Variants in TRIM14 observed in about 807,000 individuals in gnomAD.
TRIM14 encodes tripartite motif-containing protein 14.
Under a neutral mutation model 44.5 loss-of-function variants are expected in TRIM14, and 28 were observed. The observed-to-expected ratio is 0.63, with a 90% CI of 0.47 to 0.86. The LOEUF is 0.86. Among genes scored for constraint, TRIM14 ranks in the 40% least tolerant of loss-of-function variants. The pLI is 0.00. For synonymous variants in TRIM14, 299 were observed against 269.2 expected (o/e 1.11, Z -1.08); for missense variants, 607 against 611.1 (o/e 0.99, Z 0.07).
At chr9:98,104,473 C>T (rs1042934303) in intron 2 of TRIM14, among the ~76,000 whole-genome samples, 3 of 151,986 alleles carry the variant, frequency 2.0e-5, no homozygotes, top group African/African-American at 7.3e-5. Context: ...CACCAGAAAA[C>T]TTCTTGTATA....
chr9:98,057,906 T>G, the TRIM14 span, among the ~76,000 whole-genome samples: 1 of 146,152 alleles, frequency 6.8e-6, no homozygotes, highest in Admixed American at 7.2e-5. Context: ...CTTACTGTTT[T>G]TTTTTTTTTT....
chr9:98,081,174 G>A (rs777020238), downstream of TRIM14: 1 of 1,522,960 alleles, frequency 6.6e-7, no homozygotes, highest in South Asian at 1.2e-5. Context: ...AGCCCTCCCT[G>A]AGCCAGGCTG....
downstream of TRIM14, among the ~76,000 whole-genome samples, chr9:98,065,308 C>CTTT (rs758040892): frequency 0.011 from 1,056 of 92,720 alleles, 47 homozygotes; most frequent in Admixed American, 0.031. Context: ...ACTCCTGGTG[C>CTTT]TTTTTTTTTT....
chr9:98,057,658 G>A, the TRIM14 span, among the ~76,000 whole-genome samples: 43,502 of 151,848 alleles, frequency 0.29, 6,577 homozygotes, highest in Admixed American at 0.39. Context: ...GTAAATGCGT[G>A]CTCCCTCTTC....
the TRIM14 span, chr9:98,060,715 C>T: frequency 2.1e-6 from 3 of 1,445,408 alleles, no homozygotes; most frequent in Non-Finnish European, 2.9e-6. Flanking sequence ...AGTGGTTGCT[C>T]CAGAATTTTT....
chr9:98,058,846 T>G, the TRIM14 span, among the ~76,000 whole-genome samples: 1 of 152,162 alleles, frequency 6.6e-6, no homozygotes, highest in African/African-American at 2.4e-5. Context: ...GCAACTTTAG[T>G]CAGGTCAGTC....
At chr9:98,089,784 T>C (rs1393172821) in intron 5 of TRIM14, among the ~76,000 whole-genome samples, 1 of 152,186 alleles carries the variant, frequency 6.6e-6, no homozygotes, top group Non-Finnish European at 1.5e-5. Flanking sequence ...TGCTTGCTCC[T>C]TCCCTGCATG....
At chr9:98,094,023 C>T (rs1243083205) in intron 4 of TRIM14, among the ~76,000 whole-genome samples, 4 of 152,178 alleles carry the variant, frequency 2.6e-5, no homozygotes, top group African/African-American at 7.2e-5. Flanking sequence ...GGATTACAGG[C>T]GTGAGCCACC....
chr9:98,055,371 G>T, the TRIM14 span, among the ~76,000 whole-genome samples: 1 of 152,288 alleles, frequency 6.6e-6, no homozygotes, highest in Middle Eastern at 3.4e-3. Flanking sequence ...AGGCCAGTAT[G>T]CCAGGAGTGC....
the TRIM14 span, among the ~76,000 whole-genome samples, chr9:98,047,621 G>A: frequency 6.6e-6 from 1 of 152,080 alleles, no homozygotes; most frequent in Non-Finnish European, 1.5e-5. Context: ...AGTTTTGGGG[G>A]TACCAGAAGT....
the TRIM14 span, among the ~76,000 whole-genome samples, chr9:98,062,777 G>GTTTTT: frequency 9.1e-6 from 1 of 109,314 alleles, no homozygotes; most frequent in Non-Finnish European, 1.9e-5. Context: ...AGTTATTTCA[G>GTTTTT]TTTTTTTTTT....
chr9:98,088,027 A>G (rs1372593661), intron 5 of TRIM14, 22 bp from the exon 6 acceptor site: 5 of 1,479,512 alleles, frequency 3.4e-6, no homozygotes, highest in Non-Finnish European at 4.4e-6. Flanking sequence ...GAGACAAGGG[A>G]CGCACCTGGT....
intron 2 of TRIM14, among the ~76,000 whole-genome samples, chr9:98,105,186 C>T (rs1056315313): frequency 1.3e-5 from 2 of 152,152 alleles, no homozygotes; most frequent in Non-Finnish European, 2.9e-5. Context: ...ACAGCTCCTG[C>T]GGGTCACAGA....
chr9:98,082,937 GC>G (rs779601203), downstream of TRIM14: 1 of 1,614,162 alleles, frequency 6.2e-7, no homozygotes, highest in South Asian at 1.1e-5. Context: ...GAGCCCAAAG[GC>G]TATCCTCCTG....
the TRIM14 span, among the ~76,000 whole-genome samples, chr9:98,054,376 G>A: frequency 6.6e-6 from 1 of 151,904 alleles, no homozygotes; most frequent in Non-Finnish European, 1.5e-5. Flanking sequence ...CTTACTGATT[G>A]AGGAGAAGTC....
chr9:98,108,158 C>T (rs147219943), intron 2 of TRIM14, among the ~76,000 whole-genome samples: 6 of 147,680 alleles, frequency 4.1e-5, no homozygotes, highest in African/African-American at 1.2e-4. Context: ...TCAAGGTACA[C>T]AAAACTCTAC....
At chr9:98,110,848 A>AAAAATAAAATAAAAT (rs58660734) in intron 1 of TRIM14, among the ~76,000 whole-genome samples, 2,629 of 130,560 alleles carry the variant, frequency 0.02, 73 homozygotes, top group African/African-American at 0.045. Context: ...CTCTACCACA[A>AAAAATAAAATAAAAT]AAAATAAAAT....
downstream of TRIM14, chr9:98,082,919 A>G: frequency 1.2e-6 from 2 of 1,614,242 alleles, no homozygotes; most frequent in Non-Finnish European, 1.7e-6. Flanking sequence ...CTCACCGTGA[A>G]GGTGGGTGAG....
chr9:98,102,069 A>T lies in TRIM14; in HGVS notation c.304-1905T>A, dbSNP rs192771026. ...AAAAATGGGCGTCACTAGCAGAAACAGAAACAACAGCAGTGGGGAGCGAAC... is the reference window on the plus strand; with the variant it reads ...AAAAATGGGCGTCACTAGCAGAAACTGAAACAACAGCAGTGGGGAGCGAAC... On this transcript the variant is annotated intron_variant, in intron 2 of 5. Transcript: ENST00000341469. Among the ~76,000 whole-genome samples, 8 of 152,196 alleles carry T rather than the reference A, an allele frequency of 5.3e-5. No individual in the cohort carries two copies. The Middle Eastern group carries it at 0.01, about 194-fold the overall frequency.
Sources: gnomAD v4.1 joint callset for allele counts (sites outside exome capture counted in the v4.1 genomes callset) on GRCh38, gnomAD v4.1.1 for gene constraint, MANE v1.5 for transcripts, NCBI Gene and HGNC (gene_info 2026-07-23, HGNC 2026-07-21) for gene names.